Variants in KCNK10 observed in about 807,000 individuals in gnomAD.
The protein encoded by KCNK10 is potassium two pore domain channel subfamily K member 10, also known as potassium channel subfamily K member 10.
KCNK10 carries 25 observed loss-of-function variants against 47.7 expected under a neutral mutation model. The observed-to-expected ratio is 0.52, with a 90% CI of 0.38 to 0.73. KCNK10 has a LOEUF of 0.73. Ranked by LOEUF, KCNK10 falls within the 30% of genes least tolerant of loss-of-function variation. The pLI, the probability that KCNK10 is intolerant of heterozygous loss-of-function variation, is 0.00. For missense variants in KCNK10, 563 were observed against 714.5 expected (o/e 0.79, Z 2.42); for synonymous variants, 303 against 285.6 (o/e 1.06, Z -0.61).
rs1037639585 is a variant in KCNK10, at chr14:88,238,456, G to T, written c.520+2247C>A. On this transcript the variant is annotated intron_variant, in intron 3 of 6. Coordinates refer to ENST00000319231, the MANE Select transcript of KCNK10 (RefSeq NM_138317.3). ...GAGGCCAAGGTGGGTGGATCACTTG[G>T]GCCCAGAAGTTCAAGACCAGCCTGG... 2.2e-4 allele frequency among the ~76,000 whole-genome samples: 34 copies of T among 152,210 alleles called. 1 individual carries two copies. Among genetic ancestry groups the T allele is most frequent in the Admixed American group, 1.8e-3 (28 of 15,292 alleles).
intron 4 of KCNK10, among the ~76,000 whole-genome samples, chr14:88,225,287 C>G (rs1885946988): frequency 6.6e-6 from 1 of 152,222 alleles, no homozygotes; most frequent in African/African-American, 2.4e-5. Context: ...CTCCAATACT[C>G]AGCAAATGCA....
chr14:88,190,416 G>A (rs552580512), intron 5 of KCNK10, among the ~76,000 whole-genome samples: 4 of 152,232 alleles, frequency 2.6e-5, no homozygotes, highest in South Asian at 2.1e-4. Flanking sequence ...CCCACGGACC[G>A]GCTACGGATG....
chr14:88,238,675 A>G (rs1309681470), intron 3 of KCNK10, among the ~76,000 whole-genome samples: 1 of 152,176 alleles, frequency 6.6e-6, no homozygotes, highest in African/African-American at 2.4e-5. Context: ...TCCTGTCTCA[A>G]AAAAAATAAA....
In KCNK10 at chr14:88,185,476, A is replaced by G; in HGVS notation, c.*59T>C. The G allele has an allele frequency of 6.6e-7, 1 of 1,515,380 alleles. No homozygotes were observed. Among genetic ancestry groups the G allele is most frequent in the Non-Finnish European group, 8.8e-7 (1 of 1,131,138 alleles). The allele number at this position is 1,515,380 out of a possible 1,614,324, so 93.9% of individuals were successfully genotyped here. The stretch of plus-strand genomic sequence containing the variant: ...TTAAGGCACATGTCTCAGTGTGAAT[A>G]TTAAAAACACACACACACACACACA... On this transcript the variant is annotated 3_prime_UTR_variant, in exon 7 of 7. Coordinates refer to ENST00000319231, the MANE Select transcript of KCNK10 (RefSeq NM_138317.3). The surrounding 1 kb of genome is among the most constrained non-coding windows in gnomAD (Gnocchi z 4.3).
At chr14:88,317,324 GC>G (rs1157563910) in intron 1 of KCNK10, among the ~76,000 whole-genome samples, 11 of 152,156 alleles carry the variant, frequency 7.2e-5, no homozygotes, top group African/African-American at 2.7e-4. Context: ...GTTGAAAATG[GC>G]CCCCATTCAC....
intron 1 of KCNK10, among the ~76,000 whole-genome samples, chr14:88,304,963 C>T (rs989363030): frequency 1.3e-5 from 2 of 152,166 alleles, no homozygotes; most frequent in Middle Eastern, 3.4e-3. Flanking sequence ...TTTGGGAGGC[C>T]GAGGCAGGCA....
chr14:88,231,093 TG>T (rs1486084563), intron 3 of KCNK10, among the ~76,000 whole-genome samples: 1 of 151,900 alleles, frequency 6.6e-6, no homozygotes, highest in Non-Finnish European at 1.5e-5. Flanking sequence ...TGAACAATAT[TG>T]TGAGCCCTTG....
In KCNK10 at chr14:88,219,525, G is replaced by A. The variant is rs1042357712; in HGVS notation, c.681+7850C>T. Among the ~76,000 whole-genome samples, 3 of 152,198 alleles carry A rather than the reference G, an allele frequency of 2.0e-5. No homozygotes were observed. In the South Asian group the frequency reaches 6.2e-4, roughly 32 times the overall value. Reference sequence around the variant, plus strand: ...GCTAGCTTATCTTGATTGATTCAAGGATCCCAACAGCCACCTAATTTATGA... The same window carrying A: ...GCTAGCTTATCTTGATTGATTCAAGAATCCCAACAGCCACCTAATTTATGA... On this transcript the variant is annotated intron_variant, in intron 4 of 6. Coordinates refer to ENST00000319231, the MANE Select transcript of KCNK10 (RefSeq NM_138317.3).
chr14:88,302,260 T>C (rs1203177622), intron 1 of KCNK10, among the ~76,000 whole-genome samples: 1 of 152,130 alleles, frequency 6.6e-6, no homozygotes, highest in Non-Finnish European at 1.5e-5. Context: ...ACTCGGCATA[T>C]AGATGATACA....
intron 4 of KCNK10, among the ~76,000 whole-genome samples, chr14:88,196,355 T>A (rs1368505444): frequency 6.6e-6 from 1 of 152,198 alleles, no homozygotes; most frequent in Admixed American, 6.5e-5. Flanking sequence ...GGACTGACAA[T>A]TCGGGAAGTG....
rs369122449 is a variant in KCNK10 at position 88,303,851 on chromosome 14, A to G, written c.52+18896T>C. On this transcript the variant is annotated intron_variant, in intron 1 of 6. Coordinates refer to ENST00000319231, the MANE Select transcript of KCNK10 (RefSeq NM_138317.3). ...TGTTTCTCAAGACCTATCTAAAAAAACTCCCTCCAATGTGAAGTCCTTCCT... is the reference window on the plus strand; with the variant it reads ...TGTTTCTCAAGACCTATCTAAAAAAGCTCCCTCCAATGTGAAGTCCTTCCT... Among the ~76,000 whole-genome samples, 15 of 152,034 alleles carry G rather than the reference A, an allele frequency of 9.9e-5. No homozygotes were observed. In the East Asian group the frequency reaches 1.7e-3, roughly 18 times the overall value.
chr14:88,207,222 G>T (rs372677811), intron 4 of KCNK10, among the ~76,000 whole-genome samples: 2 of 147,324 alleles, frequency 1.4e-5, no homozygotes, highest in African/African-American at 5.1e-5. Context: ...GCCCAGGCCG[G>T]AGTGCAGTGG....
Position 88,323,134 on chromosome 14 carries a change from G to T in KCNK10, c.-336C>A. 2 of 1,165,302 alleles carry T rather than the reference G, an allele frequency of 1.7e-6. No individual in the cohort carries two copies. The highest frequency in any genetic ancestry group is 2.0e-5 in the South Asian group (1 of 50,356). The allele number at this position is 1,165,302 out of a possible 1,614,324, so 72.2% of individuals were successfully genotyped here. A position where few individuals can be genotyped will look rare whatever the true frequency, so the allele number is the denominator to read the frequency against. On this transcript the variant is annotated 5_prime_UTR_variant, in exon 1 of 7. Transcript: ENST00000319231. ...CAAGCTGCTTCCCAAAAGCGGTGCC[G>T]GCAGGTTAGGGGCTGCGCAGCCTGA... is the stretch of plus-strand genomic sequence containing the variant.
At chr14:88,217,772 G>A (rs1052699239) in intron 4 of KCNK10, among the ~76,000 whole-genome samples, 1 of 151,808 alleles carries the variant, frequency 6.6e-6, no homozygotes, top group East Asian at 1.9e-4. Flanking sequence ...ACCCAGGCTG[G>A]AGTGCAGTGA....
Position 88,187,949 on chromosome 14 carries a change from G to A in KCNK10, c.1011+18C>T, listed in dbSNP as rs1275868913. The stretch of plus-strand genomic sequence containing the variant: ...ATCTGTTCTCAGGAACATTCATAGG[G>A]TTAGGAAGGGGTCCTACCTCTTCTT... On this transcript the variant is annotated intron_variant, in intron 6 of 6. Coordinates refer to ENST00000319231, the MANE Select transcript of KCNK10 (RefSeq NM_138317.3). 5 of 1,613,490 alleles carry A rather than the reference G, an allele frequency of 3.1e-6. No homozygotes were observed. The highest frequency in any genetic ancestry group is 1.7e-5 in the Admixed American group (1 of 60,002).
At chr14:88,220,863 T>G (rs1176212340) in intron 4 of KCNK10, among the ~76,000 whole-genome samples, 1 of 152,010 alleles carries the variant, frequency 6.6e-6, no homozygotes, top group East Asian at 1.9e-4. Context: ...TAAGCTGGAC[T>G]TCATTAAAAT....
chr14:88,225,680 T>C (rs1253329194), intron 4 of KCNK10, among the ~76,000 whole-genome samples: 1 of 152,202 alleles, frequency 6.6e-6, no homozygotes, highest in Non-Finnish European at 1.5e-5. Context: ...CTAAAGAAGC[T>C]ACATAAAAAT....
At chr14:88,325,635 T>C (rs1482380533), upstream of KCNK10, among the ~76,000 whole-genome samples, 1 of 151,812 alleles carries the variant, frequency 6.6e-6, no homozygotes, top group East Asian at 1.9e-4. Context: ...ACCTGTCCCA[T>C]GGGTTCGTTT....
chr14:88,279,239 A>G (rs1258495633), intron 1 of KCNK10, among the ~76,000 whole-genome samples: 1 of 152,210 alleles, frequency 6.6e-6, no homozygotes. Flanking sequence ...AGCATTAACC[A>G]TCACCAGACA....
Sources: gnomAD v4.1 joint callset for allele counts (sites outside exome capture counted in the v4.1 genomes callset) on GRCh38, gnomAD v4.1.1 for gene constraint, Gnocchi (gnomAD v3.1) non-coding constraint, MANE v1.5 for transcripts, NCBI Gene and HGNC (gene_info 2026-07-23, HGNC 2026-07-21) for gene names.